HDAC9: variants seen among roughly 807,000 people sequenced by gnomAD.
HDAC9 encodes the protein MEF-2 interacting transcription repressor (MITR) protein.
In HDAC9, 41 loss-of-function variants were observed where a neutral mutation model predicts 139.4. The ratio of observed to expected loss-of-function variants is 0.29; its 90% CI spans 0.23 to 0.38. HDAC9 has a LOEUF of 0.38. Ranked by LOEUF, HDAC9 falls within the 10% of genes least tolerant of loss-of-function variation. HDAC9 has a pLI of 1.00. For synonymous variants in HDAC9, 517 were observed against 476.2 expected, an observed-to-expected ratio of 1.09 and a Z score of -1.12; for missense variants, 1,147 against 1,297.0, an observed-to-expected ratio of 0.88 and a Z score of 1.78.
At chr7:18,801,805 G>A (rs549253143) in intron 17 of HDAC9, among the ~76,000 whole-genome samples, 1 of 152,010 alleles carries the variant, frequency 6.6e-6, no homozygotes, top group South Asian at 2.1e-4. Context: ...TAGGAGTGTT[G>A]TATTTTTTCT....
intron 1 of HDAC9, among the ~76,000 whole-genome samples, chr7:18,326,966 T>C (rs1259854371): frequency 1.3e-5 from 2 of 151,958 alleles, no homozygotes; most frequent in Non-Finnish European, 2.9e-5. Flanking sequence ...TGATTTTGGA[T>C]GCCTCATTAC....
chr7:18,096,496 C>T (rs1003137321), intron 1 of HDAC9, among the ~76,000 whole-genome samples: 2 of 151,966 alleles, frequency 1.3e-5, no homozygotes, highest in Non-Finnish European at 2.9e-5. Flanking sequence ...AATGAAATCC[C>T]AAAATGGAAA....
intron 12 of HDAC9, among the ~76,000 whole-genome samples, chr7:18,677,451 T>TA (rs1035192332): frequency 4.1e-4 from 62 of 152,072 alleles, no homozygotes; most frequent in African/African-American, 1.4e-3. Context: ...ATGAATATCT[T>TA]AAACAAGTTT....
chr7:18,168,649 A>G (rs575268638), intron 2 of HDAC9, among the ~76,000 whole-genome samples: 1 of 151,902 alleles, frequency 6.6e-6, no homozygotes, highest in African/African-American at 2.4e-5. Context: ...ACACAAAGGT[A>G]TGTGGAACCA....
At chr7:18,234,885 G>A (rs1793711919) in intron 2 of HDAC9, among the ~76,000 whole-genome samples, 1 of 152,198 alleles carries the variant, frequency 6.6e-6, no homozygotes, top group Admixed American at 6.5e-5. Flanking sequence ...ATGGAGAGAA[G>A]GAAGTTAATG....
intron 25 of HDAC9, among the ~76,000 whole-genome samples, chr7:18,990,708 G>C (rs1785831224): frequency 6.6e-6 from 1 of 152,246 alleles, no homozygotes; most frequent in African/African-American, 2.4e-5. Context: ...AGATTCTGTG[G>C]GCGTAGGACC....
intron 1 of HDAC9, among the ~76,000 whole-genome samples, chr7:18,441,240 A>G (rs1360823885): frequency 6.6e-6 from 1 of 152,218 alleles, no homozygotes; most frequent in Non-Finnish European, 1.5e-5. Context: ...TGCTGTGTAG[A>G]CATCTGACCT....
chr7:18,331,081 A>G (rs2128647083), intron 1 of HDAC9, among the ~76,000 whole-genome samples: 1 of 151,868 alleles, frequency 6.6e-6, no homozygotes, highest in East Asian at 1.9e-4. Context: ...TAGGTTTTGC[A>G]TTTGATAGGT....
intron 12 of HDAC9, among the ~76,000 whole-genome samples, chr7:18,719,479 A>G (rs1784975858): frequency 6.6e-6 from 1 of 151,552 alleles, no homozygotes; most frequent in East Asian, 1.9e-4. Context: ...AGCTGGGATT[A>G]CAGGCTCACA....
At chr7:18,833,721 G>A (rs996443780) in intron 19 of HDAC9, among the ~76,000 whole-genome samples, 1 of 152,110 alleles carries the variant, frequency 6.6e-6, no homozygotes, top group Non-Finnish European at 1.5e-5. Context: ...GGGATGATGT[G>A]TATGTGCCCC....
At chr7:18,329,370 A>G (rs1029734465) in intron 1 of HDAC9, among the ~76,000 whole-genome samples, 2 of 151,800 alleles carry the variant, frequency 1.3e-5, no homozygotes, top group African/African-American at 4.8e-5. Flanking sequence ...AATTAACTTG[A>G]TGCATCTTTC....
intron 16 of HDAC9, among the ~76,000 whole-genome samples, chr7:18,768,078 G>T (rs1314849008): frequency 1.3e-5 from 2 of 152,062 alleles, no homozygotes; most frequent in Non-Finnish European, 2.9e-5. Context: ...TTGTGATTCT[G>T]CTTACTCTGG....
chr7:18,158,477 T>C (rs1384744106), intron 1 of HDAC9, among the ~76,000 whole-genome samples: 1 of 152,196 alleles, frequency 6.6e-6, no homozygotes, highest in African/African-American at 2.4e-5. Context: ...TCTGCTCAAG[T>C]GGTCTGTAAT....
chr7:18,786,779 T>TTTTC (rs774533317), intron 16 of HDAC9, among the ~76,000 whole-genome samples: 2 of 81,858 alleles, frequency 2.4e-5, no homozygotes, highest in African/African-American at 5.8e-5. Flanking sequence ...TCTTTCTTTC[T>TTTTC]TTTCTTTCTT....
In HDAC9 at chr7:18,744,012, G is replaced by GTTTTTTTTTTT. The variant is rs35414332; in HGVS notation, c.1910-4982_1910-4972dup. Among the ~76,000 whole-genome samples the GTTTTTTTTTTT allele has an allele frequency of 7.5e-3, 830 of 110,358 alleles. 39 individuals are homozygous for GTTTTTTTTTTT. The highest frequency in any genetic ancestry group is 0.054 in the East Asian group (149 of 2,760). 72.4% of individuals were successfully genotyped at this position (110,358 alleles called of 152,430 possible). ...TTTTTACATCTCACTTTTACTACTA[G>GTTTTTTTTTTT]TTTTTTTTTTTTTTTTTTTTTGAGA... On this transcript the variant is annotated intron_variant, in intron 13 of 25. Coordinates refer to ENST00000686413, the MANE Select transcript of HDAC9 (RefSeq NM_178425.4).
chr7:18,190,003 G>A (rs1257938886), intron 2 of HDAC9, among the ~76,000 whole-genome samples: 1 of 151,590 alleles, frequency 6.6e-6, no homozygotes, highest in Non-Finnish European at 1.5e-5. Context: ...ACAGTGGCAC[G>A]ATCTCAGCTC....
At chr7:18,812,568 A>T (rs1794257504) in intron 17 of HDAC9, among the ~76,000 whole-genome samples, 1 of 151,694 alleles carries the variant, frequency 6.6e-6, no homozygotes, top group African/African-American at 2.4e-5. Context: ...CTTGTTGAAA[A>T]GATGTATATT....
At chr7:18,505,276 T>A (rs1363339625) in intron 2 of HDAC9, among the ~76,000 whole-genome samples, 1 of 152,180 alleles carries the variant, frequency 6.6e-6, no homozygotes, top group Non-Finnish European at 1.5e-5. Context: ...TTAATGTATT[T>A]TGGCAGGAGA....
chr7:18,560,399 G>C (rs1009400338), intron 2 of HDAC9, among the ~76,000 whole-genome samples: 1 of 152,114 alleles, frequency 6.6e-6, no homozygotes, highest in Non-Finnish European at 1.5e-5. Flanking sequence ...CAACCTCTTT[G>C]TGATGTCGTA....
Sources: allele counts gnomAD v4.1 joint callset (sites outside exome capture counted in the v4.1 genomes callset), GRCh38; gene constraint gnomAD v4.1.1; transcripts MANE v1.5; gene names NCBI Gene and HGNC (gene_info 2026-07-23, HGNC 2026-07-21).